Variants in ZNF385D observed in about 807,000 individuals in gnomAD.
The protein encoded by ZNF385D is zinc finger protein 659.
ZNF385D carries 15 observed loss-of-function variants against 35.8 expected under a neutral mutation model. The observed-to-expected ratio is 0.42, with a 90% CI of 0.28 to 0.64. The LOEUF (loss-of-function observed/expected upper bound fraction) is 0.64. Among genes scored for constraint, ZNF385D ranks in the 30% least tolerant of loss-of-function variants. ZNF385D has a pLI of 0.23. For missense variants in ZNF385D, 474 were observed against 494.6 expected (o/e 0.96, Z 0.39); for synonymous variants, 212 against 186.8 (o/e 1.13, Z -1.10).
intron 4 of ZNF385D, among the ~76,000 whole-genome samples, chr3:21,439,297 C>A (rs1428903048): frequency 8.6e-4 from 77 of 89,274 alleles, no homozygotes; most frequent in African/African-American, 2.0e-3. Context: ...GATTTTGAGG[C>A]AAAAAAAAAA....
intron 2 of ZNF385D, among the ~76,000 whole-genome samples, chr3:22,247,941 A>G (rs979305230): frequency 1.6e-4 from 25 of 152,140 alleles, no homozygotes; most frequent in African/African-American, 4.8e-4. Flanking sequence ...GCAGATTTCC[A>G]TGGATTCAAG....
chr3:22,062,898 T>A (rs1699761741), intron 3 of ZNF385D, among the ~76,000 whole-genome samples: 1 of 152,174 alleles, frequency 6.6e-6, no homozygotes, highest in South Asian at 2.1e-4. Context: ...AATGTATCCT[T>A]CAGCCCTAGT....
intron 2 of ZNF385D, among the ~76,000 whole-genome samples, chr3:22,261,557 A>G (rs765088562): frequency 2.0e-5 from 3 of 151,934 alleles, no homozygotes; most frequent in African/African-American, 4.8e-5. Context: ...ATCCGTCCCT[A>G]TCCTGCTCTG....
intron 3 of ZNF385D, among the ~76,000 whole-genome samples, chr3:22,002,570 T>C (rs1195962867): frequency 6.6e-6 from 1 of 152,148 alleles, no homozygotes; most frequent in Non-Finnish European, 1.5e-5. Context: ...TCTTTCTAAC[T>C]CATTTTATGA....
intron 2 of ZNF385D, among the ~76,000 whole-genome samples, chr3:21,589,810 G>C (rs2063916583): frequency 6.6e-6 from 1 of 151,916 alleles, no homozygotes; most frequent in African/African-American, 2.4e-5. Flanking sequence ...TCATCTGAAA[G>C]ATTTACATAC....
At chr3:22,192,225 T>C (rs996986070) in intron 2 of ZNF385D, among the ~76,000 whole-genome samples, 1 of 152,182 alleles carries the variant, frequency 6.6e-6, no homozygotes, top group Non-Finnish European at 1.5e-5. Context: ...GTTCAGATGC[T>C]GAGAGTTGCT....
At chr3:21,557,077 T>C (rs530576313) in intron 3 of ZNF385D, among the ~76,000 whole-genome samples, 3 of 152,286 alleles carry the variant, frequency 2.0e-5, no homozygotes, top group East Asian at 3.9e-4. Context: ...GCTGAGACAA[T>C]TGGGTTATCT....
intron 5 of ZNF385D, among the ~76,000 whole-genome samples, chr3:21,432,937 C>A (rs1336532219): frequency 3.3e-5 from 5 of 151,920 alleles, no homozygotes; most frequent in African/African-American, 1.2e-4. Context: ...CAATTGATCC[C>A]CAAATAATGC....
chr3:21,780,057 C>G (rs1463170834), intron 3 of ZNF385D, among the ~76,000 whole-genome samples: 1 of 151,852 alleles, frequency 6.6e-6, no homozygotes, highest in Admixed American at 6.6e-5. Flanking sequence ...CAGGATTTGA[C>G]TAGCAAATTA....
At chr3:21,533,245 C>T (rs1013098001) in intron 3 of ZNF385D, among the ~76,000 whole-genome samples, 1 of 151,682 alleles carries the variant, frequency 6.6e-6, no homozygotes, top group African/African-American at 2.4e-5. Flanking sequence ...CAGAGGAAGT[C>T]ACTTCATCAT....
In ZNF385D at chr3:21,821,965, C is replaced by CAAAAAA. The variant is rs34222360; in HGVS notation, c.326-156943_326-156938dup. ...TGAATGACAGAGGAAGACCTTGTCTCAAAAAAAAAAAAAAAAAAAATTTAA... is the reference window on the plus strand; with the variant it reads ...TGAATGACAGAGGAAGACCTTGTCTCAAAAAAAAAAAAAAAAAAAAAAAAAATTTAA... On this transcript the variant is annotated intron_variant, in intron 3 of 5. Transcript: ENST00000494108. Among the ~76,000 whole-genome samples, 442 of 108,414 alleles carry CAAAAAA rather than the reference C, an allele frequency of 4.1e-3. 2 individuals are homozygous for CAAAAAA. The highest frequency in any genetic ancestry group is 0.011 in the African/African-American group (297 of 26,180). 71.1% of individuals were successfully genotyped at this position (108,414 alleles called of 152,430 possible).
At chr3:22,342,045 G>A (rs1219716470) in intron 2 of ZNF385D, among the ~76,000 whole-genome samples, 2 of 151,994 alleles carry the variant, frequency 1.3e-5, no homozygotes, top group African/African-American at 2.4e-5. Flanking sequence ...GGAGGCCAAG[G>A]CAGGCAGATC....
intron 3 of ZNF385D, among the ~76,000 whole-genome samples, chr3:22,112,168 A>G (rs1702569641): frequency 1.3e-5 from 2 of 152,210 alleles, no homozygotes; most frequent in African/African-American, 4.8e-5. Context: ...GGAACTGTTA[A>G]GACTATTGTT....
chr3:21,649,239 T>C (rs1180070269), intron 2 of ZNF385D, among the ~76,000 whole-genome samples: 1 of 152,102 alleles, frequency 6.6e-6, no homozygotes, highest in Non-Finnish European at 1.5e-5. Context: ...AACTTAAAAG[T>C]ATGTGCACAT....
intron 2 of ZNF385D, among the ~76,000 whole-genome samples, chr3:21,626,797 G>C (rs2065146433): frequency 6.6e-6 from 1 of 152,058 alleles, no homozygotes; most frequent in Non-Finnish European, 1.5e-5. Flanking sequence ...AATAGGGAAA[G>C]AGAACCAAGG....
intron 1 of ZNF385D, among the ~76,000 whole-genome samples, chr3:21,714,953 C>T (rs183325272): frequency 7.2e-5 from 11 of 152,246 alleles, no homozygotes; most frequent in Admixed American, 7.2e-4. Flanking sequence ...CTGCCCGATG[C>T]CCTTGGCAAG....
chr3:21,467,587 C>T (rs973606121), intron 4 of ZNF385D, among the ~76,000 whole-genome samples: 3 of 152,320 alleles, frequency 2.0e-5, no homozygotes, highest in Non-Finnish European at 4.4e-5. Flanking sequence ...ACTACTAGAG[C>T]TTTGTCCTGG....
At chr3:21,733,415 C>G (rs185599395) in intron 1 of ZNF385D, among the ~76,000 whole-genome samples, 2 of 152,198 alleles carry the variant, frequency 1.3e-5, no homozygotes, top group Admixed American at 1.3e-4. Context: ...AATGTTTGTT[C>G]ATATTCTTCA....
At chr3:22,125,352 C>G (rs1400924055) in intron 3 of ZNF385D, among the ~76,000 whole-genome samples, 1 of 151,940 alleles carries the variant, frequency 6.6e-6, no homozygotes, top group African/African-American at 2.4e-5. Flanking sequence ...GTATGTGATT[C>G]CTTCAGTTTT....
Sources: gnomAD v4.1 joint callset for allele counts (sites outside exome capture counted in the v4.1 genomes callset) on GRCh38, gnomAD v4.1.1 for gene constraint, MANE v1.5 for transcripts, NCBI Gene and HGNC (gene_info 2026-07-23, HGNC 2026-07-21) for gene names.